The following TBCK variants were observed in gnomAD, a reference collection of about 807,000 sequenced individuals.
TBCK encodes TBC1 domain containing kinase, also known as TBC domain-containing protein kinase-like protein.
Under a neutral mutation model 113.4 loss-of-function variants are expected in TBCK, and 99 were observed. The ratio of observed to expected loss-of-function variants is 0.87; its 90% CI spans 0.74 to 1.03. The LOEUF (loss-of-function observed/expected upper bound fraction) is 1.03, where lower values mean the gene tolerates loss of function less well. Ranked by LOEUF, TBCK falls within the 50% of genes least tolerant of loss-of-function variation. The probability of loss-of-function intolerance (pLI) is 0.00; values close to 1 mark genes in which losing one functional copy is unlikely to be tolerated. For missense variants in TBCK, 1,045 were observed against 1,061.3 expected (o/e 0.98, Z 0.21); for synonymous variants, 369 against 370.8 (o/e 1.00, Z 0.05).
intron 22 of TBCK, among the ~76,000 whole-genome samples, chr4:106,191,655 G>C (rs6533240): frequency 0.19 from 28,331 of 151,994 alleles, 2,661 homozygotes; most frequent in South Asian, 0.25. Context: ...GAATTTAAGA[G>C]TTATTAATAT....
intron 12 of TBCK, 33 bp downstream of exon 12, chr4:106,242,437 C>A (rs1255834259): frequency 6.6e-7 from 1 of 1,522,134 alleles, no homozygotes; most frequent in East Asian, 2.3e-5. Flanking sequence ...AAGAAAAAAA[C>A]CTAAAGCAGA....
Position 106,042,074 on chromosome 4 carries a change from A to G in TBCK, c.*4496T>C, listed in dbSNP as rs992442214. On this transcript the variant is annotated 3_prime_UTR_variant, in exon 26 of 26. Coordinates refer to ENST00000394708, the MANE Select transcript of TBCK (RefSeq NM_001163435.3). ...TCTTCACCATTAGTTTTCCACATAAAATTGAAGTTGGTAGCTGTGAAGAGG... is the reference window on the plus strand; with the variant it reads ...TCTTCACCATTAGTTTTCCACATAAGATTGAAGTTGGTAGCTGTGAAGAGG... The G allele has an allele frequency of 1.3e-5, 2 of 152,216 alleles. No homozygotes were observed. The highest frequency in any genetic ancestry group is 4.8e-5 in the African/African-American group (2 of 41,456). 9.4% of individuals were successfully genotyped at this position (152,216 alleles called of 1,614,324 possible).
In TBCK at chr4:106,274,503, TG is replaced by T. The variant is rs1268291896; in HGVS notation, c.267-12292del. Among the ~76,000 whole-genome samples the T allele has an allele frequency of 5.9e-5, 9 of 152,130 alleles. 1 individual carries two copies. The highest frequency in any genetic ancestry group is 5.9e-4 in the Admixed American group (9 of 15,270). Reference sequence around the variant, plus strand: ...GTAGAAAATTAGCAATACAAATAAATGAAGTACTAATACATGCTATAACATG... The same window carrying T: ...GTAGAAAATTAGCAATACAAATAAATAAGTACTAATACATGCTATAACATG... On this transcript the variant is annotated intron_variant, in intron 3 of 25. Transcript: ENST00000394708.
intron 22 of TBCK, among the ~76,000 whole-genome samples, chr4:106,176,247 G>A (rs7661565): frequency 0.19 from 28,308 of 151,878 alleles, 2,664 homozygotes; most frequent in South Asian, 0.25. Flanking sequence ...CTACTGTGCT[G>A]TCTATTGAAC....
chr4:106,273,449 T>A (rs964144109), intron 3 of TBCK, among the ~76,000 whole-genome samples: 1 of 152,224 alleles, frequency 6.6e-6, no homozygotes, highest in African/African-American at 2.4e-5. Context: ...TTAGAGTATG[T>A]ATCTTTTGTT....
intron 25 of TBCK, among the ~76,000 whole-genome samples, chr4:106,056,665 T>G (rs1462305598): frequency 4.0e-5 from 6 of 151,576 alleles, no homozygotes; most frequent in Non-Finnish European, 8.9e-5. Context: ...CCTCATCCAG[T>G]TCTCTGCTGA....
intron 23 of TBCK, among the ~76,000 whole-genome samples, chr4:106,151,133 A>C (rs950027239): frequency 6.6e-6 from 1 of 152,072 alleles, no homozygotes; most frequent in African/African-American, 2.4e-5. Flanking sequence ...CATGCAATGC[A>C]TAATAATAAT....
chr4:106,149,567 ACATATT>A (rs1748240373), intron 23 of TBCK, among the ~76,000 whole-genome samples: 2 of 152,202 alleles, frequency 1.3e-5, no homozygotes, highest in South Asian at 4.1e-4. Context: ...ATGAGAACGC[ACATATT>A]TATCACTTAA....
chr4:106,062,077 T>C (rs1736118850), intron 25 of TBCK, among the ~76,000 whole-genome samples: 1 of 151,836 alleles, frequency 6.6e-6, no homozygotes, highest in African/African-American at 2.4e-5. Flanking sequence ...AAAAGTTTTC[T>C]TTTATACTAT....
intron 25 of TBCK, among the ~76,000 whole-genome samples, chr4:106,089,810 G>T (rs1739994415): frequency 6.6e-6 from 1 of 152,256 alleles, no homozygotes; most frequent in African/African-American, 2.4e-5. Flanking sequence ...GCAGAATGGT[G>T]TGAGATGTAG....
At position 106,161,212 on chromosome 4, in the gene TBCK, T is replaced by C. The variant is rs559823807; in HGVS notation, c.2235+9883A>G. Among the ~76,000 whole-genome samples, 4 of 152,228 alleles carry C rather than the reference T, an allele frequency of 2.6e-5. No individual in the cohort carries two copies. In the South Asian group the frequency reaches 8.3e-4, roughly 32 times the overall value. On this transcript the variant is annotated intron_variant, in intron 23 of 25. Coordinates refer to ENST00000394708, the MANE Select transcript of TBCK (RefSeq NM_001163435.3). ...TGGTAAATTTTACGTTGTGTGTATT[T>C]TTATCACAATAAAAAAATTAGAAAA...
chr4:106,068,719 G>T (rs370479215), intron 25 of TBCK, among the ~76,000 whole-genome samples: 1 of 152,044 alleles, frequency 6.6e-6, no homozygotes, highest in South Asian at 2.1e-4. Flanking sequence ...TTGAGGAATC[G>T]CCACACTGTC....
At chr4:106,122,072 T>C (rs1344092044) in intron 23 of TBCK, among the ~76,000 whole-genome samples, 11 of 152,066 alleles carry the variant, frequency 7.2e-5, no homozygotes, top group Admixed American at 4.6e-4. Flanking sequence ...TTCAAAAAAT[T>C]ACTGAATCCA....
intron 22 of TBCK, among the ~76,000 whole-genome samples, chr4:106,175,848 T>C (rs909950520): frequency 6.6e-6 from 1 of 152,146 alleles, no homozygotes; most frequent in Non-Finnish European, 1.5e-5. Flanking sequence ...ATATTTACTT[T>C]GGTTTAATAG....
intron 25 of TBCK, among the ~76,000 whole-genome samples, chr4:106,051,475 C>T (rs933636247): frequency 6.6e-6 from 1 of 151,950 alleles, no homozygotes; most frequent in Non-Finnish European, 1.5e-5. Context: ...ATTTTACTTT[C>T]GGTTGAGCAT....
At chr4:106,300,441 G>A (rs1208314040) in intron 2 of TBCK, among the ~76,000 whole-genome samples, 1 of 152,134 alleles carries the variant, frequency 6.6e-6, no homozygotes, top group African/African-American at 2.4e-5. Flanking sequence ...AATCATGAAT[G>A]TCTTAAAATA....
chr4:106,187,097 G>C (rs1753109933), intron 22 of TBCK, among the ~76,000 whole-genome samples: 1 of 152,098 alleles, frequency 6.6e-6, no homozygotes, highest in African/African-American at 2.4e-5. Context: ...ATTGATCTAT[G>C]TGTATGTTTT....
chr4:106,244,601 T>G (rs771305253), intron 11 of TBCK, 25 bp downstream of exon 11: 3 of 1,513,032 alleles, frequency 2.0e-6, no homozygotes, highest in Non-Finnish European at 2.7e-6. Context: ...TTATTTAAAT[T>G]CCCAAGAGAA....
At chr4:106,127,992 AC>A (rs1399650567) in intron 23 of TBCK, among the ~76,000 whole-genome samples, 1 of 151,758 alleles carries the variant, frequency 6.6e-6, no homozygotes, top group Non-Finnish European at 1.5e-5. Context: ...TGCACACACC[AC>A]CCCCACCCAG....
Sources: allele counts gnomAD v4.1 joint callset (sites outside exome capture counted in the v4.1 genomes callset), GRCh38; gene constraint gnomAD v4.1.1; transcripts MANE v1.5; gene names NCBI Gene and HGNC (gene_info 2026-07-23, HGNC 2026-07-21).